CENPW: variants seen among roughly 807,000 people sequenced by gnomAD.
The protein encoded by CENPW is cancer-up-regulated gene 2 protein.
A neutral mutation model predicts 11.1 loss-of-function variants in CENPW; 3 were observed. That is an observed-to-expected ratio of 0.27 (90% CI 0.12 to 0.70). The LOEUF (loss-of-function observed/expected upper bound fraction) is 0.70. Ranked by LOEUF, CENPW falls within the 30% of genes least tolerant of loss-of-function variation. The pLI is 0.77. For missense variants in CENPW, 100 were observed against 105.6 expected (o/e 0.95, Z 0.23); for synonymous variants, 38 against 42.0 (o/e 0.91, Z 0.37).
chr6:126,441,098 A>G, the CENPW span, among the ~76,000 whole-genome samples: 2 of 151,378 alleles, frequency 1.3e-5, no homozygotes, highest in African/African-American at 4.8e-5. Flanking sequence ...GATATACCCA[A>G]TTAAGATTGG....
At chr6:126,389,766 T>G in the CENPW span, among the ~76,000 whole-genome samples, 1 of 151,778 alleles carries the variant, frequency 6.6e-6, no homozygotes, top group Admixed American at 6.6e-5. Context: ...CATTATCTAA[T>G]TCAGTGTACA....
At chr6:126,436,927 G>A in the CENPW span, among the ~76,000 whole-genome samples, 1 of 151,826 alleles carries the variant, frequency 6.6e-6, no homozygotes, top group South Asian at 2.1e-4. Context: ...TGTATGAATT[G>A]ATAGTTTACG....
the CENPW span, among the ~76,000 whole-genome samples, chr6:126,469,088 C>G: frequency 6.6e-6 from 1 of 152,174 alleles, no homozygotes; most frequent in Non-Finnish European, 1.5e-5. Flanking sequence ...CCACTGCACT[C>G]AGCCAAGCAT....
the CENPW span, among the ~76,000 whole-genome samples, chr6:126,444,931 C>G: frequency 6.6e-6 from 1 of 151,120 alleles, no homozygotes; most frequent in Non-Finnish European, 1.5e-5. Context: ...TTCCTTTACC[C>G]TTAATGTTTC....
the CENPW span, among the ~76,000 whole-genome samples, chr6:126,429,997 A>G: frequency 2.6e-5 from 4 of 152,278 alleles, no homozygotes; most frequent in East Asian, 5.8e-4. Context: ...CCCACCTGAG[A>G]GAAAGCATGT....
rs1780269026 is a variant in CENPW, at chr6:126,340,118, C to T, written c.-156C>T. 2 of 722,008 alleles carry T rather than the reference C, an allele frequency of 2.8e-6. No homozygotes were observed. Among genetic ancestry groups the T allele is most frequent in the Non-Finnish European group, 4.7e-6 (2 of 424,378 alleles). 44.7% of individuals were successfully genotyped at this position (722,008 alleles called of 1,614,324 possible). On this transcript the variant is annotated 5_prime_UTR_variant, in exon 1 of 3. Coordinates refer to ENST00000368328, the MANE Select transcript of CENPW (RefSeq NM_001012507.4). ...GTCACTACTGAGCGCCGGGCGCGTT[C>T]CGTTGGCGGCGGATTCGAACGTTCG...
chr6:126,358,039 G>T, the CENPW span, among the ~76,000 whole-genome samples: 2 of 152,196 alleles, frequency 1.3e-5, no homozygotes, highest in African/African-American at 4.8e-5. Context: ...TTATAGAATT[G>T]CTATTGAATT....
chr6:126,345,001 C>T (rs182238299), intron 1 of CENPW, among the ~76,000 whole-genome samples: 76 of 152,164 alleles, frequency 5.0e-4, no homozygotes, highest in African/African-American at 1.7e-3. Context: ...GTAGTGCCCT[C>T]AGGTACCTGG....
the CENPW span, among the ~76,000 whole-genome samples, chr6:126,369,702 C>A: frequency 5.3e-5 from 8 of 152,140 alleles, no homozygotes; most frequent in Admixed American, 5.2e-4. Flanking sequence ...TTATAGATTG[C>A]AAAGATTTTC....
chr6:126,349,086 C>A (rs1780460571), downstream of CENPW, among the ~76,000 whole-genome samples: 3 of 151,926 alleles, frequency 2.0e-5, no homozygotes, highest in Admixed American at 1.3e-4. Flanking sequence ...TTCTTCAAGT[C>A]TCATGGATTT....
At chr6:126,467,122 C>T in the CENPW span, among the ~76,000 whole-genome samples, 1 of 152,058 alleles carries the variant, frequency 6.6e-6, no homozygotes, top group Non-Finnish European at 1.5e-5. Context: ...TGACACTTTC[C>T]ACAGGCTAGA....
the CENPW span, among the ~76,000 whole-genome samples, chr6:126,469,482 C>T: frequency 1.3e-5 from 2 of 152,276 alleles, no homozygotes; most frequent in African/African-American, 4.8e-5. Context: ...TGAAAACAGA[C>T]TAATACAGAG....
chr6:126,341,168 G>A (rs528342092), intron 1 of CENPW, among the ~76,000 whole-genome samples: 2 of 152,292 alleles, frequency 1.3e-5, no homozygotes, highest in Admixed American at 6.5e-5. Context: ...AATAAATTCA[G>A]TTTGTGTGTT....
At chr6:126,479,585 A>T in the CENPW span, among the ~76,000 whole-genome samples, 1 of 152,064 alleles carries the variant, frequency 6.6e-6, no homozygotes, top group Non-Finnish European at 1.5e-5. Flanking sequence ...CAGCATATTA[A>T]GAAAAGCTGG....
chr6:126,471,617 G>A, the CENPW span, among the ~76,000 whole-genome samples: 12 of 152,064 alleles, frequency 7.9e-5, no homozygotes, highest in African/African-American at 2.7e-4. Flanking sequence ...AAACATCACA[G>A]TAATCAAAAT....
the CENPW span, among the ~76,000 whole-genome samples, chr6:126,442,892 T>G: frequency 6.6e-6 from 1 of 151,254 alleles, no homozygotes; most frequent in African/African-American, 2.4e-5. Context: ...AGACCTCGTT[T>G]GACATACTTT....
chr6:126,435,834 T>C, the CENPW span, among the ~76,000 whole-genome samples: 1 of 151,764 alleles, frequency 6.6e-6, no homozygotes, highest in African/African-American at 2.4e-5. Flanking sequence ...AGATAAAGCC[T>C]TGGACTCTTA....
chr6:126,361,311 C>CT, the CENPW span, among the ~76,000 whole-genome samples: 741 of 151,530 alleles, frequency 4.9e-3, 3 homozygotes, highest in African/African-American at 0.016. Flanking sequence ...TTCTTTTTTT[C>CT]TTTTTTTTGA....
At chr6:126,420,292 A>G in the CENPW span, among the ~76,000 whole-genome samples, 1 of 152,108 alleles carries the variant, frequency 6.6e-6, no homozygotes, top group African/African-American at 2.4e-5. Context: ...TAGGAATGGG[A>G]GAGATAGGGT....
Sources: gnomAD v4.1 joint callset for allele counts (sites outside exome capture counted in the v4.1 genomes callset) on GRCh38, gnomAD v4.1.1 for gene constraint, MANE v1.5 for transcripts, NCBI Gene and HGNC (gene_info 2026-07-23, HGNC 2026-07-21) for gene names.